Variants in TANC1 observed in about 807,000 individuals in gnomAD.
TANC1 encodes the protein protein TANC1.
In TANC1, 77 loss-of-function variants were observed where a neutral mutation model predicts 149.7. That is an observed-to-expected ratio of 0.51 (90% CI 0.43 to 0.62). The LOEUF (loss-of-function observed/expected upper bound fraction) is 0.62. Ranked by LOEUF, TANC1 falls within the 20% of genes least tolerant of loss-of-function variation. The pLI is 0.00. For synonymous variants in TANC1, 854 were observed against 925.0 expected (o/e 0.92, Z 1.39); for missense variants, 1,985 against 2,321.8 (o/e 0.85, Z 2.98).
intron 1 of TANC1, among the ~76,000 whole-genome samples, chr2:158,985,089 G>A (rs2034849518): frequency 6.6e-6 from 1 of 152,198 alleles, no homozygotes; most frequent in South Asian, 2.1e-4. Flanking sequence ...AGAGCTCTCT[G>A]TTAGGAGGCT....
Position 159,170,558 on chromosome 2 carries a change from G to A in TANC1, c.1104G>A (p.Leu368=), listed in dbSNP as rs148444366. 282 of 1,613,018 alleles carry A rather than the reference G, an allele frequency of 1.7e-4. 1 individual carries two copies. The Admixed American group carries it at 4.6e-3, about 26-fold the overall frequency. ...CTCCCTACAAGCCACAAGACATTTTGTTGAAACCCTTGTTGTTTGAAGTAC... is the reference window on the plus strand; with the variant it reads ...CTCCCTACAAGCCACAAGACATTTTATTGAAACCCTTGTTGTTTGAAGTAC... ...RFAPYKPQDI[L]LKPLLFEVPS... Residue 368 remains leucine (L), a synonymous_variant, in exon 10 of 27, where the codon TTG becomes TTA. Transcript: ENST00000263635.
intron 19 of TANC1, among the ~76,000 whole-genome samples, chr2:159,213,382 T>C (rs960360998): frequency 6.0e-5 from 9 of 149,964 alleles, no homozygotes; most frequent in African/African-American, 1.5e-4. Flanking sequence ...TAGGATCACA[T>C]TGGACCCTGG....
At chr2:159,100,401 A>ATG (rs928595533) in intron 4 of TANC1, among the ~76,000 whole-genome samples, 1 of 152,186 alleles carries the variant, frequency 6.6e-6, no homozygotes, top group African/African-American at 2.4e-5. Flanking sequence ...GTCTCCTTAT[A>ATG]TGTGTGTGGA....
In TANC1 at chr2:159,219,296, G is replaced by A. The variant is rs774765698; in HGVS notation, c.3437G>A (p.Arg1146Gln). 12 of 1,614,174 alleles carry A rather than the reference G, an allele frequency of 7.4e-6. No homozygotes were observed. Among genetic ancestry groups the A allele is most frequent in the Middle Eastern group, 1.6e-4 (1 of 6,062 alleles). ...CDVNLSDKQG[R>Q]TPLMVAACEG... ...GTGAACCTAAGTGACAAGCAAGGCC[G>A]GACGCCCCTCATGGTGGCTGCTTGT... The change falls in exon 21 of 27, where the codon CGG (arginine) becomes CAG (glutamine). Residue 1146 changes from arginine to glutamine, a missense_variant. Transcript: ENST00000263635.
chr2:159,113,151 T>C (rs970923272), intron 4 of TANC1, among the ~76,000 whole-genome samples: 1 of 152,024 alleles, frequency 6.6e-6, no homozygotes, highest in East Asian at 1.9e-4. Flanking sequence ...CCCTGTTGCC[T>C]TCAGCCATAT....
At chr2:159,034,344 C>A (rs1015690631) in intron 2 of TANC1, among the ~76,000 whole-genome samples, 6 of 152,200 alleles carry the variant, frequency 3.9e-5, no homozygotes, top group Non-Finnish European at 8.8e-5. Context: ...GTTTTTGAGG[C>A]ATAAATATTT....
chr2:159,150,346 C>A, intron 6 of TANC1, 24 bp from the exon 7 acceptor site: 1 of 1,592,380 alleles, frequency 6.3e-7, no homozygotes, highest in Non-Finnish European at 8.6e-7. Flanking sequence ...GCCGTGCTAA[C>A]TCCTCCTTCC....
chr2:158,980,426 T>C (rs2034164947), intron 1 of TANC1, among the ~76,000 whole-genome samples: 1 of 152,014 alleles, frequency 6.6e-6, no homozygotes, highest in Non-Finnish European at 1.5e-5. Flanking sequence ...ACTTAGGACT[T>C]AAAAAAATCA....
chr2:159,130,779 G>A (rs747704160), intron 4 of TANC1, among the ~76,000 whole-genome samples: 2 of 151,750 alleles, frequency 1.3e-5, no homozygotes, highest in Admixed American at 6.6e-5. Flanking sequence ...TTGCAGCCTC[G>A]AACTCCTGGG....
At chr2:159,181,027 G>A (rs148539158) in intron 14 of TANC1, among the ~76,000 whole-genome samples, 144 of 152,242 alleles carry the variant, frequency 9.5e-4, no homozygotes, top group Admixed American at 3.5e-3. Context: ...CCCAGTTGTC[G>A]TATTTTTGCC....
Position 159,199,061 on chromosome 2 carries a change from T to C in TANC1, c.3244+8T>C, listed in dbSNP as rs754412239. 2 of 1,609,970 alleles carry C rather than the reference T, an allele frequency of 1.2e-6. No individual in the cohort carries two copies. Among genetic ancestry groups the C allele is most frequent in the South Asian group, 2.2e-5 (2 of 90,976 alleles). Reference sequence around the variant, plus strand: ...CATTGTGGGGAGAAACAGGTAATTATAATGCCACTGCTTGTAGTCTGGGGC... The same window carrying C: ...CATTGTGGGGAGAAACAGGTAATTACAATGCCACTGCTTGTAGTCTGGGGC... On this transcript the variant is annotated splice_region_variant and intron_variant, in intron 19 of 26. Transcript: ENST00000263635.
intron 2 of TANC1, among the ~76,000 whole-genome samples, chr2:159,054,000 A>G (rs963769502): frequency 1.3e-5 from 2 of 152,042 alleles, no homozygotes; most frequent in Non-Finnish European, 2.9e-5. Flanking sequence ...TTTTTTCAGG[A>G]TAGATTTGCA....
At chr2:159,203,446 C>A (rs1421183204) in intron 19 of TANC1, among the ~76,000 whole-genome samples, 1 of 152,084 alleles carries the variant, frequency 6.6e-6, no homozygotes, top group Non-Finnish European at 1.5e-5. Context: ...ACCTCATGAT[C>A]CACCCACCTC....
intron 4 of TANC1, among the ~76,000 whole-genome samples, chr2:159,117,062 C>T (rs763463378): frequency 3.3e-5 from 5 of 152,176 alleles, no homozygotes; most frequent in Non-Finnish European, 5.9e-5. Context: ...CCACCATATC[C>T]TTCACATGAC....
At chr2:159,223,737 A>T (rs919918285) in intron 22 of TANC1, among the ~76,000 whole-genome samples, 5 of 152,128 alleles carry the variant, frequency 3.3e-5, no homozygotes, top group Non-Finnish European at 5.9e-5. Flanking sequence ...TTTCCTTCAC[A>T]TCTCTTTGAA....
rs1345135623 is a variant in TANC1 at position 159,228,899 on chromosome 2, A to G, written c.4151+3A>G. The G allele has an allele frequency of 2.5e-6, 4 of 1,610,422 alleles. No individual in the cohort carries two copies. Among genetic ancestry groups the G allele is most frequent in the Non-Finnish European group, 3.4e-6 (4 of 1,176,606 alleles). On this transcript the variant is annotated splice_donor_region_variant and intron_variant, in intron 26 of 26. Coordinates refer to ENST00000263635, the MANE Select transcript of TANC1 (RefSeq NM_033394.3). ...GCAAGAGCGAAGAGAAATAGCAGGT[A>G]CCGTCTGTGGTTATCTTTGTGTCTA...
chr2:159,224,301 A>G lies in TANC1; in HGVS notation c.3748A>G (p.Arg1250Gly). 1.2e-6 allele frequency: 2 copies of G among 1,614,190 alleles called. No individual in the cohort carries two copies. Among genetic ancestry groups the G allele is most frequent in the Non-Finnish European group, 1.7e-6 (2 of 1,180,040 alleles). ...VDHSGMRPLD[R>G]AIGCRNTSVV... ...CCACAGCGGGATGCGGCCCTTGGAC[A>G]GAGCCATCGGCTGCCGGAACACATC... The change falls in exon 23 of 27, where the codon AGA becomes GGA. Residue 1250 changes from arginine to glycine, a missense_variant. By Grantham distance (125) the Arg-to-Gly change is moderately radical. Transcript: ENST00000263635.
At chr2:159,111,339 A>G (rs995234006) in intron 4 of TANC1, among the ~76,000 whole-genome samples, 5 of 152,220 alleles carry the variant, frequency 3.3e-5, no homozygotes, top group Non-Finnish European at 1.5e-5. Context: ...ATAGCTACAT[A>G]CTGTTCAAAG....
At chr2:159,105,417 A>T (rs2047084854) in intron 4 of TANC1, among the ~76,000 whole-genome samples, 1 of 152,244 alleles carries the variant, frequency 6.6e-6, no homozygotes, top group Non-Finnish European at 1.5e-5. Flanking sequence ...TTAAGTGTAC[A>T]GTTCAGTGGT....
Sources: gnomAD v4.1 joint callset for allele counts (sites outside exome capture counted in the v4.1 genomes callset) on GRCh38, gnomAD v4.1.1 for gene constraint, MANE v1.5 for transcripts, NCBI Gene and HGNC (gene_info 2026-07-23, HGNC 2026-07-21) for gene names.